The following PLCB1 variants were observed in gnomAD, a reference collection of about 807,000 sequenced individuals.
PLCB1 encodes the protein 1-phosphatidylinositol 4,5-bisphosphate phosphodiesterase beta-1.
In PLCB1, 46 loss-of-function variants were observed where a neutral mutation model predicts 161.8. The ratio of observed to expected loss-of-function variants is 0.28; its 90% CI spans 0.22 to 0.36. The LOEUF is 0.36. PLCB1 is among the 10% of genes least tolerant of loss of function. The pLI is 1.00. For missense variants in PLCB1, 1,016 were observed against 1,472.5 expected (o/e 0.69, Z 5.07); for synonymous variants, 517 against 503.7 (o/e 1.03, Z -0.35).
At chr20:8,245,427 A>G (rs142545181) in intron 2 of PLCB1, among the ~76,000 whole-genome samples, 59 of 152,040 alleles carry the variant, frequency 3.9e-4, no homozygotes, top group African/African-American at 1.4e-3. Context: ...TTATTCACCC[A>G]GTAAAACTTC....
At position 8,210,378 on chromosome 20, in the gene PLCB1, T is replaced by C. The variant is rs1411539295; in HGVS notation, c.177+60007T>C. On this transcript the variant is annotated intron_variant, in intron 2 of 31. Coordinates refer to ENST00000338037, the MANE Select transcript of PLCB1 (RefSeq NM_015192.4). ...GTTATATGCCAAAAAACATCATCAG[T>C]GCTTTGTCACCAAAAGCCATTTTAT... 2.0e-5 allele frequency among the ~76,000 whole-genome samples: 3 copies of C among 152,154 alleles called. No individual in the cohort carries two copies. In the East Asian group the frequency reaches 5.8e-4, roughly 29 times the overall value.
intron 3 of PLCB1, among the ~76,000 whole-genome samples, chr20:8,538,687 C>A (rs953361943): frequency 6.6e-6 from 1 of 151,864 alleles, no homozygotes; most frequent in African/African-American, 2.4e-5. Context: ...TTAAACAACC[C>A]TATTTATTGA....
chr20:8,275,398 G>A lies in PLCB1; in HGVS notation c.178-95984G>A, dbSNP rs149727283. 4.6e-5 allele frequency among the ~76,000 whole-genome samples: 7 copies of A among 152,136 alleles called. No homozygotes were observed. The East Asian group carries it at 1.4e-3, about 29-fold the overall frequency. Reference sequence around the variant, plus strand: ...TGTTTCCTATTGTCCTCAGTGAGAAGCATCTTTGCTATTACTCAGACTAGG... The same window carrying A: ...TGTTTCCTATTGTCCTCAGTGAGAAACATCTTTGCTATTACTCAGACTAGG... On this transcript the variant is annotated intron_variant, in intron 2 of 31. Transcript: ENST00000338037.
chr20:8,594,200 C>T (rs1313965808), intron 3 of PLCB1, among the ~76,000 whole-genome samples: 1 of 152,102 alleles, frequency 6.6e-6, no homozygotes, highest in East Asian at 1.9e-4. Context: ...CATGCCTAGC[C>T]CAGATCCATG....
chr20:8,763,414 C>T (rs1982148251), intron 25 of PLCB1, among the ~76,000 whole-genome samples: 1 of 151,854 alleles, frequency 6.6e-6, no homozygotes, highest in Non-Finnish European at 1.5e-5. Flanking sequence ...AGACAAGAGT[C>T]TAACTCTGCC....
chr20:8,821,537 ATATATATATATATATATATAT>A (rs1985410399), intron 31 of PLCB1, among the ~76,000 whole-genome samples: 3 of 96,124 alleles, frequency 3.1e-5, no homozygotes, highest in Non-Finnish European at 5.7e-5. Context: ...ATATATATAT[ATATATATATATATATATATAT>A]TTAAATGACA....
At chr20:8,242,016 A>T (rs1306922447) in intron 2 of PLCB1, among the ~76,000 whole-genome samples, 1 of 151,916 alleles carries the variant, frequency 6.6e-6, no homozygotes. Flanking sequence ...ATTTTGGAGG[A>T]TAAAGGGCAT....
At chr20:8,224,071 T>C (rs1979550590) in intron 2 of PLCB1, among the ~76,000 whole-genome samples, 1 of 152,208 alleles carries the variant, frequency 6.6e-6, no homozygotes, top group Non-Finnish European at 1.5e-5. Context: ...AAACAAGCAG[T>C]CTGCTTAATG....
intron 3 of PLCB1, among the ~76,000 whole-genome samples, chr20:8,550,670 T>C (rs1985744192): frequency 6.6e-6 from 1 of 152,206 alleles, no homozygotes. Flanking sequence ...TGCTGGGCCA[T>C]CACAGTACCC....
intron 2 of PLCB1, among the ~76,000 whole-genome samples, chr20:8,244,659 T>G (rs1350814039): frequency 6.6e-6 from 1 of 151,854 alleles, no homozygotes; most frequent in Non-Finnish European, 1.5e-5. Context: ...TGTGTACATA[T>G]GCAAACACTC....
chr20:8,478,700 A>C (rs1172426029), intron 3 of PLCB1, among the ~76,000 whole-genome samples: 1 of 152,120 alleles, frequency 6.6e-6, no homozygotes, highest in Non-Finnish European at 1.5e-5. Context: ...AAATAGTTAA[A>C]ATTTTCATTA....
chr20:8,833,564 A>G (rs921203706), intron 31 of PLCB1, among the ~76,000 whole-genome samples: 16 of 152,160 alleles, frequency 1.1e-4, no homozygotes, highest in African/African-American at 3.1e-4. Context: ...GGAGGAGGCA[A>G]TGTGTCCACA....
At chr20:8,200,270 C>T (rs1390106644) in intron 2 of PLCB1, among the ~76,000 whole-genome samples, 1 of 151,976 alleles carries the variant, frequency 6.6e-6, no homozygotes, top group Non-Finnish European at 1.5e-5. Flanking sequence ...TCCATTGTTA[C>T]TCTTATGCCA....
intron 31 of PLCB1, among the ~76,000 whole-genome samples, chr20:8,809,238 C>T (rs1984691863): frequency 6.6e-6 from 1 of 152,080 alleles, no homozygotes; most frequent in Non-Finnish European, 1.5e-5. Flanking sequence ...AACTCCTGAG[C>T]TCAAAGCGAT....
At chr20:8,331,367 A>G (rs1206036250) in intron 2 of PLCB1, among the ~76,000 whole-genome samples, 1 of 147,594 alleles carries the variant, frequency 6.8e-6, no homozygotes, top group Non-Finnish European at 1.5e-5. Flanking sequence ...TTTTTTTTCT[A>G]TGTTCAAATC....
intron 11 of PLCB1, among the ~76,000 whole-genome samples, chr20:8,704,303 A>T (rs1978539679): frequency 6.6e-6 from 1 of 152,076 alleles, no homozygotes; most frequent in Non-Finnish European, 1.5e-5. Context: ...ACAGTGAGCC[A>T]AGATCATGCT....
intron 11 of PLCB1, 87 bp from the exon 12 acceptor site, chr20:8,708,583 C>A: frequency 1.3e-6 from 1 of 796,912 alleles, no homozygotes. Context: ...ATGGAAAAGA[C>A]AACTATATTA....
intron 3 of PLCB1, among the ~76,000 whole-genome samples, chr20:8,385,369 T>A (rs1479235174): frequency 6.6e-6 from 1 of 152,182 alleles, no homozygotes; most frequent in Non-Finnish European, 1.5e-5. Context: ...CTGCCCAGCC[T>A]TCCTGGCCCC....
At chr20:8,409,441 ATTT>A (rs1368551342) in intron 3 of PLCB1, among the ~76,000 whole-genome samples, 1,537 of 149,080 alleles carry the variant, frequency 0.01, 8 homozygotes, top group Non-Finnish European at 0.014. Context: ...AATGTATATT[ATTT>A]TTATTATTAT....
Sources: allele counts gnomAD v4.1 joint callset (sites outside exome capture counted in the v4.1 genomes callset), GRCh38; gene constraint gnomAD v4.1.1; transcripts MANE v1.5; gene names NCBI Gene and HGNC (gene_info 2026-07-23, HGNC 2026-07-21).